The following PCDHA5 variants were observed in gnomAD, a reference collection of about 807,000 sequenced individuals.
PCDHA5 encodes protocadherin alpha 5.
In PCDHA5, 43 loss-of-function variants were observed where a neutral mutation model predicts 61.6. The observed-to-expected ratio is 0.70, with a 90% confidence interval of 0.55 to 0.90. The LOEUF (loss-of-function observed/expected upper bound fraction) is 0.90. Among genes scored for constraint, PCDHA5 ranks in the 40% least tolerant of loss-of-function variants. The pLI, the probability that PCDHA5 is intolerant of heterozygous loss-of-function variation, is 0.00. For synonymous variants in PCDHA5, 627 were observed against 543.9 expected (o/e 1.15, Z -2.13); for missense variants, 1,298 against 1,222.7 (o/e 1.06, Z -0.92).
intron 1 of PCDHA5, among the ~76,000 whole-genome samples, chr5:140,840,577 G>A (rs185474153): frequency 6.6e-6 from 1 of 151,966 alleles, no homozygotes; most frequent in Non-Finnish European, 1.5e-5. Flanking sequence ...GCATGTCAGA[G>A]AAATCATAAA....
chr5:140,946,766 G>A (rs1554217856), intron 1 of PCDHA5, among the ~76,000 whole-genome samples: 1 of 151,394 alleles, frequency 6.6e-6, no homozygotes, highest in South Asian at 2.1e-4. Flanking sequence ...TCTCATTCAT[G>A]TGGAATGTAA....
chr5:140,825,611 G>C (rs1431448877), intron 1 of PCDHA5: 6 of 151,560 alleles, frequency 4.0e-5, no homozygotes, highest in African/African-American at 1.5e-4. Flanking sequence ...TACTAGAGAC[G>C]GGGTTTCACC....
chr5:140,851,837 A>G (rs2042175202), intron 1 of PCDHA5: 1 of 970,268 alleles, frequency 1.0e-6, no homozygotes, highest in Non-Finnish European at 1.2e-6. Context: ...TTTTAAAAAT[A>G]TCTTTTTCTC....
chr5:140,924,057 T>C (rs1337031156), intron 1 of PCDHA5, among the ~76,000 whole-genome samples: 2 of 152,258 alleles, frequency 1.3e-5, no homozygotes, highest in Non-Finnish European at 2.9e-5. Context: ...GGTACATCTT[T>C]ACAGTTGTAT....
At chr5:140,968,634 A>T (rs782166097) in intron 1 of PCDHA5, 7 of 1,614,176 alleles carry the variant, frequency 4.3e-6, no homozygotes, top group Non-Finnish European at 5.9e-6. Flanking sequence ...CTTTTTTACC[A>T]TCTAGCCCAG....
Position 140,883,457 on chromosome 5 carries a change from C to T in PCDHA5, c.2352+59330C>T, listed in dbSNP as rs142331981. Reference sequence around the variant, plus strand: ...CTTGACGCCGCATGTCCCCTTCAAGCTGGTGTCCACCTACAAGAACTACTA... The same window carrying T: ...CTTGACGCCGCATGTCCCCTTCAAGTTGGTGTCCACCTACAAGAACTACTA... On this transcript the variant is annotated intron_variant, in intron 1 of 3. Coordinates refer to ENST00000529859, the MANE Select transcript of PCDHA5 (RefSeq NM_018908.3). 3.6e-4 allele frequency: 576 copies of T among 1,614,196 alleles called. 4 individuals are homozygous for T. In the African/African-American group the frequency reaches 6.4e-3, roughly 18 times the overall value.
chr5:140,938,463 T>C (rs1399110046), intron 1 of PCDHA5, among the ~76,000 whole-genome samples: 1 of 152,216 alleles, frequency 6.6e-6, no homozygotes, highest in Non-Finnish European at 1.5e-5. Flanking sequence ...GTTTTTTAAT[T>C]TATTATGTTT....
intron 1 of PCDHA5, chr5:140,857,826 T>A (rs782420102): frequency 6.3e-7 from 1 of 1,597,464 alleles, no homozygotes; most frequent in South Asian, 1.1e-5. Context: ...GTGGCTAAGG[T>A]GCGCGCAGTG....
rs1563650230 is a variant in PCDHA5, at chr5:141,000,393, C to CTA, written c.2501-9233_2501-9232insAT. Among the ~76,000 whole-genome samples, 150 of 52,842 alleles carry CTA rather than the reference C, an allele frequency of 2.8e-3. 1 individual carries two copies. The highest frequency in any genetic ancestry group is 4.0e-3 in the Non-Finnish European group (125 of 31,360). 34.7% of individuals were successfully genotyped at this position (52,842 alleles called of 152,430 possible). A position where few individuals can be genotyped will look rare whatever the true frequency, so the allele number is the denominator to read the frequency against. On this transcript the variant is annotated intron_variant, in intron 3 of 3. Coordinates refer to ENST00000529859, the MANE Select transcript of PCDHA5 (RefSeq NM_018908.3). ...TCTCTCTCTCTCTCTCTCTCTCTCT[C>CTA]TCTATATATATATATATATATATAT... is the stretch of plus-strand genomic sequence containing the variant.
intron 1 of PCDHA5, chr5:140,856,002 G>C: frequency 6.5e-7 from 1 of 1,534,758 alleles, no homozygotes; most frequent in South Asian, 1.2e-5. Context: ...TCGTATGTGC[G>C]TTCTAGACCG....
chr5:140,903,713 A>G (rs1391210068), intron 1 of PCDHA5, among the ~76,000 whole-genome samples: 1 of 152,206 alleles, frequency 6.6e-6, no homozygotes, highest in Non-Finnish European at 1.5e-5. Flanking sequence ...TAAAATATAC[A>G]ATTCTCCCTA....
chr5:140,954,282 T>C (rs1554221335), intron 1 of PCDHA5, among the ~76,000 whole-genome samples: 1 of 152,220 alleles, frequency 6.6e-6, no homozygotes. Context: ...TGATTTATAT[T>C]CCTTTGGGTA....
At chr5:140,955,669 G>C (rs1031483633) in intron 1 of PCDHA5, among the ~76,000 whole-genome samples, 2 of 152,094 alleles carry the variant, frequency 1.3e-5, no homozygotes, top group African/African-American at 4.8e-5. Flanking sequence ...TTTTAACATA[G>C]TTTTTTCGAA....
At chr5:140,866,804 C>A (rs1157058668) in intron 1 of PCDHA5, 3 of 152,118 alleles carry the variant, frequency 2.0e-5, no homozygotes, top group Non-Finnish European at 4.4e-5. Flanking sequence ...AAGTCAGGCA[C>A]AAAGTTCCTT....
intron 1 of PCDHA5, chr5:140,847,674 G>A (rs2150402803): frequency 6.7e-6 from 1 of 149,800 alleles, no homozygotes; most frequent in African/African-American, 2.4e-5. Flanking sequence ...AGCTTGGAAA[G>A]AATCAAAACA....
intron 1 of PCDHA5, chr5:140,966,850 C>A: frequency 6.4e-7 from 1 of 1,572,900 alleles, no homozygotes; most frequent in Non-Finnish European, 8.6e-7. Flanking sequence ...TACTGCCTCT[C>A]CTGCTGCTGT....
intron 1 of PCDHA5, among the ~76,000 whole-genome samples, chr5:140,942,869 T>C (rs971576222): frequency 6.6e-6 from 1 of 152,088 alleles, no homozygotes; most frequent in African/African-American, 2.4e-5. Context: ...TGCTTTAGCA[T>C]GACAACTTTT....
intron 1 of PCDHA5, chr5:140,928,537 A>G (rs2085311063): frequency 1.2e-6 from 2 of 1,614,198 alleles, no homozygotes; most frequent in African/African-American, 2.7e-5. Context: ...GGTAGATAGG[A>G]ATGACAATTA....
At chr5:140,959,331 T>C (rs1170663171) in intron 1 of PCDHA5, among the ~76,000 whole-genome samples, 1 of 152,072 alleles carries the variant, frequency 6.6e-6, no homozygotes. Flanking sequence ...GTTTTGATTA[T>C]GCTACTGCAC....
Sources: allele counts gnomAD v4.1 joint callset (sites outside exome capture counted in the v4.1 genomes callset), GRCh38; gene constraint gnomAD v4.1.1; transcripts MANE v1.5; gene names NCBI Gene and HGNC (gene_info 2026-07-23, HGNC 2026-07-21).